The following SF3B3 variants were observed in gnomAD, a reference collection of about 807,000 sequenced individuals.
SF3B3 encodes SAP 130.
A neutral mutation model predicts 139.2 loss-of-function variants in SF3B3; 33 were observed. The observed-to-expected ratio is 0.24, with a 90% confidence interval of 0.18 to 0.32. SF3B3 has a LOEUF of 0.32. Among genes scored for constraint, SF3B3 ranks in the 10% least tolerant of loss-of-function variants. The probability of loss-of-function intolerance (pLI) is 1.00; values close to 1 mark genes in which losing one functional copy is unlikely to be tolerated. For synonymous variants in SF3B3, 596 were observed against 563.6 expected (o/e 1.06, Z -0.81); for missense variants, 818 against 1,509.4 (o/e 0.54, Z 7.59).
intron 2 of SF3B3, among the ~76,000 whole-genome samples, chr16:70,528,168 T>C (rs1353586739): frequency 1.1e-4 from 16 of 147,384 alleles, no homozygotes; most frequent in African/African-American, 3.0e-4. Flanking sequence ...TTTTCTTTTT[T>C]TTTTTTTTTT....
At chr16:70,525,185 G>T (rs1161490802) in intron 1 of SF3B3, among the ~76,000 whole-genome samples, 2 of 151,756 alleles carry the variant, frequency 1.3e-5, no homozygotes, top group Non-Finnish European at 2.9e-5. Flanking sequence ...GTGTGCCACC[G>T]CGCCCGGCTA....
intron 6 of SF3B3, 141 bp from the exon 7 acceptor site, chr16:70,538,182 C>G (rs1257130593): frequency 1.2e-6 from 1 of 809,862 alleles, no homozygotes; most frequent in Non-Finnish European, 2.2e-6. Flanking sequence ...TTCCAGTGCT[C>G]TGGCTGGCAG....
At chr16:70,537,875 A>G (rs2050182894) in intron 6 of SF3B3, 1 of 360,984 alleles carries the variant, frequency 2.8e-6, no homozygotes, top group African/African-American at 2.1e-5. Context: ...GGAGTTAGAG[A>G]CCAGTCTGGG....
intron 8 of SF3B3, among the ~76,000 whole-genome samples, chr16:70,539,516 C>T (rs1440066410): frequency 6.6e-6 from 1 of 151,680 alleles, no homozygotes; most frequent in African/African-American, 2.4e-5. Context: ...CCACTGCACT[C>T]CAGCCTGGGT....
At chr16:70,559,046 C>T (rs1428276417) in intron 15 of SF3B3, among the ~76,000 whole-genome samples, 1 of 152,116 alleles carries the variant, frequency 6.6e-6, no homozygotes, top group African/African-American at 2.4e-5. Context: ...TGTTGCATCA[C>T]GTCAGGAGGA....
At chr16:70,546,620 C>G (rs2050270991) in intron 10 of SF3B3, among the ~76,000 whole-genome samples, 1 of 151,756 alleles carries the variant, frequency 6.6e-6, no homozygotes, top group Admixed American at 6.6e-5. Flanking sequence ...CACTGTACTC[C>G]AGCTTGGGCA....
At chr16:70,547,583 G>A (rs1446508056) in intron 10 of SF3B3, among the ~76,000 whole-genome samples, 1 of 152,002 alleles carries the variant, frequency 6.6e-6, no homozygotes, top group African/African-American at 2.4e-5. Context: ...TACCCTAAGA[G>A]GTGGTGACTG....
chr16:70,545,129 A>T (rs993507787), intron 10 of SF3B3, among the ~76,000 whole-genome samples: 1 of 152,108 alleles, frequency 6.6e-6, no homozygotes, highest in African/African-American at 2.4e-5. Flanking sequence ...CAGTGGCTCC[A>T]TCATGGCTCA....
chr16:70,532,785 A>G (rs2050133899), intron 5 of SF3B3, among the ~76,000 whole-genome samples, 165 bp downstream of exon 5: 2 of 152,214 alleles, frequency 1.3e-5, no homozygotes, highest in South Asian at 2.1e-4. Context: ...TGATTTTAAA[A>G]AGTGTTGGGG....
Position 70,532,481 on chromosome 16 carries a change from A to G in SF3B3, c.573A>G (p.Glu191=). 2 of 1,614,030 alleles carry G rather than the reference A, an allele frequency of 1.2e-6. No individual in the cohort carries two copies. The highest frequency in any genetic ancestry group is 1.7e-6 in the Non-Finnish European group (2 of 1,179,924). The part of the protein sequence containing the change: ...MFACLEMDYE[E]ADNDPTGEAA... ...TTTTATGCCACTATTCTCTGTAGGA[A>G]GCAGACAATGATCCAACAGGGGAAG... The change falls in exon 5 of 26, where the codon GAA becomes GAG. Residue 191 remains glutamate (E), a splice_region_variant and synonymous_variant. Coordinates refer to ENST00000302516, the MANE Select transcript of SF3B3 (RefSeq NM_012426.5).
chr16:70,551,669 T>A (rs1178600845), intron 11 of SF3B3, among the ~76,000 whole-genome samples: 1 of 152,148 alleles, frequency 6.6e-6, no homozygotes. Flanking sequence ...GCCATTGTAC[T>A]CCAGCCTGGG....
At chr16:70,569,968 AG>A (rs1196738699) in intron 23 of SF3B3, 37 bp from the exon 24 acceptor site, 1 of 1,612,576 alleles carries the variant, frequency 6.2e-7, no homozygotes, top group African/African-American at 1.3e-5. Context: ...GAGGCTCCTG[AG>A]GGTGCACACA....
chr16:70,564,449 G>A (rs935408992), intron 18 of SF3B3, among the ~76,000 whole-genome samples: 11 of 152,170 alleles, frequency 7.2e-5, no homozygotes, highest in African/African-American at 2.4e-4. Flanking sequence ...TTAAGCAGAG[G>A]CCTTTGCCCC....
At position 70,539,109 on chromosome 16, in the gene SF3B3, T is replaced by C. The variant is rs369936068; in HGVS notation, c.969T>C (p.Thr323=). 4 of 1,611,858 alleles carry C rather than the reference T, an allele frequency of 2.5e-6. No homozygotes were observed. In the African/African-American group the frequency reaches 5.3e-5, roughly 22 times the overall value. The change falls in exon 8 of 26, where the codon ACT becomes ACC. Residue 323 remains threonine, a synonymous_variant. Coordinates refer to ENST00000302516, the MANE Select transcript of SF3B3 (RefSeq NM_012426.5). The part of the protein sequence containing the change: ...ITLETDEDMV[T]EIRLKYFDTV... ...AATGTTTCTTTTCTCACCAGGTTAC[T>C]GAGATCCGGCTCAAATATTTTGATA...
Position 70,559,709 on chromosome 16 carries a change from T to TA in SF3B3, c.2011-753dup, listed in dbSNP as rs1306979795. On this transcript the variant is annotated intron_variant, in intron 15 of 25. Coordinates refer to ENST00000302516, the MANE Select transcript of SF3B3 (RefSeq NM_012426.5). ...CTCAATAAATAAATAAATAAAAATT[T>TA]AAAAAAATAGAGTAACATCATAAAC... is the stretch of plus-strand genomic sequence containing the variant. Among the ~76,000 whole-genome samples the TA allele has an allele frequency of 6.6e-5, 10 of 151,554 alleles. No individual in the cohort carries two copies. In the East Asian group the frequency reaches 1.7e-3, roughly 26 times the overall value.
At chr16:70,553,196 A>G (rs1452267844) in intron 11 of SF3B3, among the ~76,000 whole-genome samples, 1 of 152,206 alleles carries the variant, frequency 6.6e-6, no homozygotes, top group Admixed American at 6.5e-5. Context: ...TGCTGGGATT[A>G]CAGGCATGAG....
intron 1 of SF3B3, 35 bp downstream of exon 1, chr16:70,523,963 G>C: frequency 2.4e-6 from 1 of 421,206 alleles, no homozygotes; most frequent in Non-Finnish European, 4.2e-6. Context: ...CCCGGGCCCG[G>C]GGAGGCGGAG....
At chr16:70,564,652 A>G (rs1421870202) in intron 18 of SF3B3, among the ~76,000 whole-genome samples, 8 of 152,196 alleles carry the variant, frequency 5.3e-5, no homozygotes, top group South Asian at 2.1e-4. Context: ...TCTAGAACTC[A>G]TTGCCTAGCA....
intron 10 of SF3B3, among the ~76,000 whole-genome samples, chr16:70,545,169 G>T (rs2050255955): frequency 6.6e-6 from 1 of 152,094 alleles, no homozygotes; most frequent in African/African-American, 2.4e-5. Context: ...GGGATCAGGT[G>T]ATCCTCCCAC....
Sources: gnomAD v4.1 joint callset for allele counts (sites outside exome capture counted in the v4.1 genomes callset) on GRCh38, gnomAD v4.1.1 for gene constraint, MANE v1.5 for transcripts, NCBI Gene and HGNC (gene_info 2026-07-23, HGNC 2026-07-21) for gene names.